The following SAMD12 variants were observed in gnomAD, a reference collection of about 807,000 sequenced individuals.
The protein encoded by SAMD12 is sterile alpha motif domain-containing protein 12.
In SAMD12, 9 loss-of-function variants were observed where a neutral mutation model predicts 15.0. That is an observed-to-expected ratio of 0.60 (90% CI 0.36 to 1.05). The LOEUF (loss-of-function observed/expected upper bound fraction) is 1.05, where lower values mean the gene tolerates loss of function less well. SAMD12 is among the 50% of genes least tolerant of loss of function. The pLI is 0.01. For missense variants in SAMD12, 230 were observed against 234.2 expected (o/e 0.98, Z 0.12); for synonymous variants, 86 against 90.1 (o/e 0.96, Z 0.25).
At chr8:118,314,294 T>C (rs945809593) in intron 4 of SAMD12, among the ~76,000 whole-genome samples, 4 of 152,210 alleles carry the variant, frequency 2.6e-5, no homozygotes, top group African/African-American at 9.6e-5. Flanking sequence ...TTTTTAACTT[T>C]TTATTTTGAA....
At chr8:118,251,696 G>C (rs1586386759) in intron 4 of SAMD12, among the ~76,000 whole-genome samples, 1 of 152,022 alleles carries the variant, frequency 6.6e-6, no homozygotes, top group South Asian at 2.1e-4. Context: ...GCAACCATTT[G>C]GTTTGCAGGC....
At chr8:118,452,826 T>C (rs1823122667) in intron 2 of SAMD12, among the ~76,000 whole-genome samples, 1 of 152,212 alleles carries the variant, frequency 6.6e-6, no homozygotes, top group South Asian at 2.1e-4. Context: ...AACATGGTCC[T>C]AACTCAAACA....
intron 2 of SAMD12, among the ~76,000 whole-genome samples, chr8:118,543,245 C>T (rs933208546): frequency 1.3e-5 from 2 of 152,116 alleles, no homozygotes; most frequent in African/African-American, 4.8e-5. Flanking sequence ...AGTATGTGCA[C>T]TTAGTCCTAA....
At chr8:118,326,470 A>G (rs1460297971) in intron 4 of SAMD12, among the ~76,000 whole-genome samples, 1 of 152,184 alleles carries the variant, frequency 6.6e-6, no homozygotes, top group African/African-American at 2.4e-5. Context: ...ACATTGCTTT[A>G]GATTTCCAGG....
At chr8:118,324,402 T>C (rs1335743261) in intron 4 of SAMD12, among the ~76,000 whole-genome samples, 1 of 152,182 alleles carries the variant, frequency 6.6e-6, no homozygotes, top group African/African-American at 2.4e-5. Flanking sequence ...TTAACAGCTA[T>C]CTTGTGGGTC....
intron 4 of SAMD12, among the ~76,000 whole-genome samples, chr8:118,215,360 C>T (rs1249059875): frequency 1.3e-5 from 2 of 152,134 alleles, no homozygotes; most frequent in Non-Finnish European, 2.9e-5. Flanking sequence ...AAAAGTTTGC[C>T]AACCCCTATA....
exon 5 of SAMD12, chr8:118,189,946 G>GAAAAAAAAAAAA (rs895075538): frequency 1.0e-4 from 7 of 69,042 alleles, no homozygotes; most frequent in South Asian, 5.2e-4. Flanking sequence ...ATGCACAGAG[G>GAAAAAAAAAAAA]AAAAAAAAAA....
chr8:118,384,027 C>T (rs1819817142), intron 3 of SAMD12, among the ~76,000 whole-genome samples: 1 of 151,894 alleles, frequency 6.6e-6, no homozygotes, highest in Non-Finnish European at 1.5e-5. Context: ...GACAGGGACG[C>T]CTATTAAAAA....
At chr8:118,257,444 C>G (rs1384106694) in intron 4 of SAMD12, among the ~76,000 whole-genome samples, 1 of 152,070 alleles carries the variant, frequency 6.6e-6, no homozygotes, top group Non-Finnish European at 1.5e-5. Flanking sequence ...TACTGTGTTC[C>G]AAGAATTTCT....
intron 3 of SAMD12, among the ~76,000 whole-genome samples, chr8:118,402,718 G>A (rs978603473): frequency 6.6e-6 from 1 of 152,164 alleles, no homozygotes; most frequent in African/African-American, 2.4e-5. Context: ...ATGGCAGAAG[G>A]AGCCCTGTCT....
chr8:118,254,325 A>C (rs1295046028), intron 4 of SAMD12, among the ~76,000 whole-genome samples: 1 of 152,074 alleles, frequency 6.6e-6, no homozygotes, highest in African/African-American at 2.4e-5. Flanking sequence ...CAGTTGCAAA[A>C]ATGGCAGTGA....
chr8:118,278,610 A>G (rs766590005), intron 4 of SAMD12, among the ~76,000 whole-genome samples: 14 of 152,206 alleles, frequency 9.2e-5, no homozygotes, highest in Non-Finnish European at 1.3e-4. Flanking sequence ...GCTGCTGTTA[A>G]GTGCTCACCA....
chr8:118,605,951 T>C (rs1177361168), intron 1 of SAMD12, among the ~76,000 whole-genome samples: 4 of 151,942 alleles, frequency 2.6e-5, no homozygotes, highest in Non-Finnish European at 4.4e-5. Context: ...GTTAGTTTCT[T>C]ATTTGTGTTT....
intron 4 of SAMD12, among the ~76,000 whole-genome samples, chr8:118,298,346 A>G (rs190740987): frequency 2.6e-5 from 4 of 152,314 alleles, no homozygotes; most frequent in African/African-American, 7.2e-5. Context: ...TTCCAGTAGA[A>G]TAAGTGCATA....
chr8:118,323,726 G>A (rs1231044109), intron 4 of SAMD12, among the ~76,000 whole-genome samples: 5 of 152,134 alleles, frequency 3.3e-5, no homozygotes, highest in African/African-American at 1.2e-4. Context: ...CTGAGATCAC[G>A]CCACTGCACT....
chr8:118,590,353 A>T (rs577687268), intron 1 of SAMD12, among the ~76,000 whole-genome samples: 7 of 152,356 alleles, frequency 4.6e-5, no homozygotes, highest in Middle Eastern at 3.4e-3. Flanking sequence ...AAGGCCAAGT[A>T]GGGAGTCCAG....
intron 3 of SAMD12, among the ~76,000 whole-genome samples, chr8:118,385,461 C>T (rs1819901190): frequency 6.6e-6 from 1 of 152,208 alleles, no homozygotes; most frequent in African/African-American, 2.4e-5. Flanking sequence ...TCTAGCCTTT[C>T]AACTCCAACT....
At chr8:118,374,474 T>C (rs1165861454), downstream of SAMD12, among the ~76,000 whole-genome samples, 1 of 152,168 alleles carries the variant, frequency 6.6e-6, no homozygotes, top group Non-Finnish European at 1.5e-5. Context: ...GATCCTGCTT[T>C]GAATTCTTTT....
intron 4 of SAMD12, among the ~76,000 whole-genome samples, chr8:118,249,366 C>T (rs1245316897): frequency 6.6e-6 from 1 of 152,102 alleles, no homozygotes; most frequent in African/African-American, 2.4e-5. Flanking sequence ...TAATAAATAC[C>T]TAATCCAATA....
Sources: allele counts gnomAD v4.1 joint callset (sites outside exome capture counted in the v4.1 genomes callset), GRCh38; gene constraint gnomAD v4.1.1; transcripts MANE v1.5; gene names NCBI Gene and HGNC (gene_info 2026-07-23, HGNC 2026-07-21).